The following M1AP variants were observed in gnomAD, a reference collection of about 807,000 sequenced individuals.
The protein encoded by M1AP is meiosis 1 associated protein.
Under a neutral mutation model 51.2 loss-of-function variants are expected in M1AP, and 39 were observed. The ratio of observed to expected loss-of-function variants is 0.76; its 90% CI spans 0.59 to 1.00. M1AP has a LOEUF of 1.00. Ranked by LOEUF, M1AP falls within the 50% of genes least tolerant of loss-of-function variation. M1AP has a pLI of 0.00. For missense variants in M1AP, 545 were observed against 641.2 expected, an observed-to-expected ratio of 0.85 and a Z score of 1.62; for synonymous variants, 251 against 249.2, an observed-to-expected ratio of 1.01 and a Z score of -0.07.
intron 4 of M1AP, among the ~76,000 whole-genome samples, chr2:74,592,020 T>G (rs1420885645): frequency 1.3e-5 from 2 of 151,962 alleles, no homozygotes; most frequent in Non-Finnish European, 2.9e-5. Context: ...GCCAGGCTGG[T>G]CTCGAACTAC....
chr2:74,559,983 A>C (rs180955293), intron 9 of M1AP, among the ~76,000 whole-genome samples, 168 bp downstream of exon 9: 11 of 151,966 alleles, frequency 7.2e-5, no homozygotes, highest in Non-Finnish European at 1.3e-4. Flanking sequence ...AGGCCTCCCT[A>C]CCCAGTAAGG....
chr2:74,593,220 T>G (rs1275906130), intron 4 of M1AP, among the ~76,000 whole-genome samples: 1 of 152,088 alleles, frequency 6.6e-6, no homozygotes, highest in African/African-American at 2.4e-5. Flanking sequence ...ATGGAGAACG[T>G]GAGCTTATTG....
chr2:74,562,156 A>C (rs1226941011), intron 8 of M1AP, 61 bp downstream of exon 8: 7 of 1,544,822 alleles, frequency 4.5e-6, no homozygotes, highest in Non-Finnish European at 6.1e-6. Flanking sequence ...CCTCTCCCTC[A>C]TCCCTTTCTC....
intron 5 of M1AP, among the ~76,000 whole-genome samples, chr2:74,578,206 C>G (rs1679193643): frequency 1.3e-5 from 2 of 152,238 alleles, no homozygotes; most frequent in Non-Finnish European, 1.5e-5. Context: ...ATACTGATGT[C>G]TGGGCCCTAC....
In M1AP at chr2:74,558,731, A is replaced by C; in HGVS notation, c.1578T>G (p.Asp526Glu). 1 of 1,612,346 alleles carries C rather than the reference A, an allele frequency of 6.2e-7. No homozygotes were observed. Residue 526 changes from aspartate (D) to glutamate (E), a missense_variant, in exon 11 of 11, where the codon GAT (aspartate) becomes GAG (glutamate). Physicochemically the swap from Asp to Glu is conservative, Grantham distance 45 (BLOSUM62 2). Transcript: ENST00000421985. ...TGCTGGTGACTTAGGGCCTTGAGGGATCCTTCTCCCACTCTGAAGGCAGGA... is the reference window on the plus strand; with the variant it reads ...TGCTGGTGACTTAGGGCCTTGAGGGCTCCTTCTCCCACTCTGAAGGCAGGA... Reference protein sequence around the residue: ...AFFLPSEWEKDPSRP With the variant: ...AFFLPSEWEKEPSRP
At chr2:74,592,424 AG>A (rs1357504079) in intron 4 of M1AP, among the ~76,000 whole-genome samples, 1 of 152,182 alleles carries the variant, frequency 6.6e-6, no homozygotes, top group Non-Finnish European at 1.5e-5. Flanking sequence ...CACATGTTTA[AG>A]GACCATTTAA....
At chr2:74,565,275 TG>T (rs1472045316) in intron 7 of M1AP, among the ~76,000 whole-genome samples, 10 of 151,678 alleles carry the variant, frequency 6.6e-5, no homozygotes, top group Non-Finnish European at 1.5e-4. Flanking sequence ...GCACTAGGTG[TG>T]GGTACACAGA....
intron 1 of M1AP, chr2:74,647,921 A>G: frequency 2.8e-6 from 2 of 726,944 alleles, no homozygotes; most frequent in Non-Finnish European, 3.4e-6. Flanking sequence ...CAGAAGAAAA[A>G]AAATTCTCGT....
chr2:74,577,240 G>A (rs755935704), intron 5 of M1AP, among the ~76,000 whole-genome samples: 77 of 152,238 alleles, frequency 5.1e-4, no homozygotes, highest in Non-Finnish European at 9.9e-4. Flanking sequence ...GACCTTCTGG[G>A]CCTTGGAGCA....
At chr2:74,579,223 T>C (rs1386292159) in intron 5 of M1AP, among the ~76,000 whole-genome samples, 1 of 152,242 alleles carries the variant, frequency 6.6e-6, no homozygotes, top group Non-Finnish European at 1.5e-5. Context: ...ATTAGCACCA[T>C]GGGCAAATGC....
intron 2 of M1AP, among the ~76,000 whole-genome samples, chr2:74,637,234 T>C (rs565627823): frequency 6.6e-6 from 1 of 152,340 alleles, no homozygotes; most frequent in South Asian, 2.1e-4. Flanking sequence ...CTGCCAATAA[T>C]TCCATCTAGT....
At chr2:74,606,944 G>A (rs1333832894) in intron 4 of M1AP, 111 bp downstream of exon 4, 18 of 679,722 alleles carry the variant, frequency 2.6e-5, no homozygotes, top group Non-Finnish European at 4.0e-5. Context: ...TGCACAACGT[G>A]CAGGTTTGTT....
At chr2:74,627,020 G>C (rs577171498) in intron 2 of M1AP, among the ~76,000 whole-genome samples, 41 of 152,206 alleles carry the variant, frequency 2.7e-4, no homozygotes, top group African/African-American at 9.6e-4. Context: ...TTTGGGAATT[G>C]CATTACATTT....
chr2:74,641,431 T>C (rs146702743), intron 1 of M1AP, among the ~76,000 whole-genome samples: 217 of 152,326 alleles, frequency 1.4e-3, no homozygotes, highest in Middle Eastern at 0.01. Context: ...TAGGAGGACA[T>C]AATGAATAGC....
At chr2:74,623,965 C>A (rs534683876) in intron 2 of M1AP, among the ~76,000 whole-genome samples, 1 of 152,214 alleles carries the variant, frequency 6.6e-6, no homozygotes, top group South Asian at 2.1e-4. Context: ...GCCACCACAC[C>A]TGGCCTACAA....
rs1558658549 is a variant in M1AP at position 74,581,762 on chromosome 2, T to C, written c.681A>G (p.Leu227=). Residue 227 remains leucine (L), a synonymous_variant, in exon 5 of 11, where the codon CTA becomes CTG. Transcript: ENST00000421985. ...GTTCTTGGTCTGTTCCACTGTTATGTAGCCAGGCTTTGAAGAAAATCTCCA... is the reference window on the plus strand; with the variant it reads ...GTTCTTGGTCTGTTCCACTGTTATGCAGCCAGGCTTTGAAGAAAATCTCCA... ...VSMEIFFKAW[L]HNSGTDQEQI... 6.2e-7 allele frequency: 1 copy of C among 1,614,102 alleles called. No individual in the cohort carries two copies. The highest frequency in any genetic ancestry group is 1.3e-5 in the African/African-American group (1 of 75,072).
In M1AP at chr2:74,575,553, T is replaced by A; in HGVS notation, c.959A>T (p.Glu320Val). 6.2e-7 allele frequency: 1 copy of A among 1,614,144 alleles called. No homozygotes were observed. The highest frequency in any genetic ancestry group is 8.5e-7 in the Non-Finnish European group (1 of 1,180,014). The change falls in exon 7 of 11, where the codon GAG (glutamate) becomes GTG (valine). Residue 320 changes from glutamate (E) to valine (V), a missense_variant. Transcript: ENST00000421985. ...GAACGGGAGTCCATATGTCAATGAC[T>A]CGCAGAGCCCGCTAGATTTTAAAGC... ...IKALKSSGLC[E>V]SLTYGLPFIL...
intron 2 of M1AP, among the ~76,000 whole-genome samples, chr2:74,622,321 C>T (rs1342148341): frequency 6.6e-6 from 1 of 151,874 alleles, no homozygotes; most frequent in Non-Finnish European, 1.5e-5. Context: ...CTCACTGCAA[C>T]CCCGCCTCCC....
At chr2:74,577,795 C>T (rs540276329) in intron 5 of M1AP, among the ~76,000 whole-genome samples, 7 of 152,296 alleles carry the variant, frequency 4.6e-5, no homozygotes, top group East Asian at 3.9e-4. Context: ...TCTCCATTTC[C>T]GGTCCTGAGG....
Sources: allele counts gnomAD v4.1 joint callset (sites outside exome capture counted in the v4.1 genomes callset), GRCh38; gene constraint gnomAD v4.1.1; transcripts MANE v1.5; gene names NCBI Gene and HGNC (gene_info 2026-07-23, HGNC 2026-07-21).